PAPOLA: variants seen among roughly 807,000 people sequenced by gnomAD.
PAPOLA encodes the protein poly(A) polymerase alpha, also known as polynucleotide adenylyltransferase alpha.
PAPOLA carries 15 observed loss-of-function variants against 100.6 expected under a neutral mutation model. The observed-to-expected ratio is 0.15, with a 90% CI of 0.10 to 0.23. The LOEUF is 0.23. Among genes scored for constraint, PAPOLA ranks in the 10% least tolerant of loss-of-function variants. The pLI, the probability that PAPOLA is intolerant of heterozygous loss-of-function variation, is 1.00. For missense variants in PAPOLA, 533 were observed against 884.2 expected (o/e 0.60, Z 5.04); for synonymous variants, 293 against 300.0 (o/e 0.98, Z 0.24).
intron 17 of PAPOLA, among the ~76,000 whole-genome samples, chr14:96,554,400 C>T (rs1416777592): frequency 1.3e-5 from 2 of 152,140 alleles, no homozygotes; most frequent in African/African-American, 4.8e-5. Context: ...TGATATTGTC[C>T]CTGAGTGGTA....
chr14:96,541,413 A>G (rs1429504747), intron 12 of PAPOLA, among the ~76,000 whole-genome samples: 1 of 152,172 alleles, frequency 6.6e-6, no homozygotes, highest in Non-Finnish European at 1.5e-5. Context: ...TTTTTGGGGT[A>G]GAGATTCTGG....
intron 11 of PAPOLA, among the ~76,000 whole-genome samples, chr14:96,536,262 A>G (rs897437245): frequency 8.5e-5 from 13 of 152,132 alleles, no homozygotes; most frequent in African/African-American, 3.1e-4. Flanking sequence ...TGCCTTGTAA[A>G]ATTATAAATG....
intron 20 of PAPOLA, among the ~76,000 whole-genome samples, chr14:96,562,043 C>T (rs780167984): frequency 4.0e-5 from 6 of 151,700 alleles, no homozygotes. Context: ...TACAGGCACC[C>T]GCCACCATGC....
intron 3 of PAPOLA, 69 bp downstream of exon 3, chr14:96,521,141 T>G (rs1897929743): frequency 1.3e-6 from 1 of 770,522 alleles, no homozygotes; most frequent in Admixed American, 2.1e-5. Flanking sequence ...GTGTCTTATA[T>G]AACCTGTTCT....
At chr14:96,534,739 G>C in intron 10 of PAPOLA, 176 bp downstream of exon 10, 2 of 1,424,024 alleles carry the variant, frequency 1.4e-6, no homozygotes, top group South Asian at 3.2e-5. Flanking sequence ...GATGTGAGAA[G>C]CATAATTATG....
At chr14:96,513,142 C>G (rs1168015226) in intron 1 of PAPOLA, among the ~76,000 whole-genome samples, 1 of 152,322 alleles carries the variant, frequency 6.6e-6, no homozygotes, top group East Asian at 1.9e-4. Flanking sequence ...CAGATCACTA[C>G]AGCCTCAGCT....
At chr14:96,537,858 A>G (rs1416260016) in intron 12 of PAPOLA, 1 of 151,882 alleles carries the variant, frequency 6.6e-6, no homozygotes, top group East Asian at 1.9e-4. Flanking sequence ...TCTAAGCAAG[A>G]TTGCTTTATG....
intron 9 of PAPOLA, chr14:96,534,194 C>T: frequency 1.7e-6 from 2 of 1,166,108 alleles, no homozygotes; most frequent in Non-Finnish European, 2.1e-6. Context: ...TTGAAGTGGA[C>T]ACATCATTAT....
intron 7 of PAPOLA, chr14:96,532,098 C>T: frequency 1.5e-6 from 2 of 1,307,602 alleles, no homozygotes; most frequent in Non-Finnish European, 1.9e-6. Context: ...ACTTTGGTTT[C>T]TTTGGTCAGT....
At chr14:96,518,616 C>G (rs1282395927) in intron 1 of PAPOLA, among the ~76,000 whole-genome samples, 1 of 151,746 alleles carries the variant, frequency 6.6e-6, no homozygotes, top group Non-Finnish European at 1.5e-5. Context: ...TCACTGTGGT[C>G]TCGATCTCCT....
intron 21 of PAPOLA, among the ~76,000 whole-genome samples, chr14:96,563,556 A>G (rs1443558075): frequency 6.6e-6 from 1 of 152,176 alleles, no homozygotes; most frequent in Non-Finnish European, 1.5e-5. Context: ...AATAGATGAT[A>G]AAACTGGTTA....
At chr14:96,518,219 C>T (rs1012208379) in intron 1 of PAPOLA, among the ~76,000 whole-genome samples, 11 of 152,128 alleles carry the variant, frequency 7.2e-5, no homozygotes, top group African/African-American at 1.9e-4. Context: ...ATAGATGACA[C>T]GCAGTCCAGC....
At chr14:96,561,828 GTT>G (rs529927594) in intron 20 of PAPOLA, among the ~76,000 whole-genome samples, 21 of 125,798 alleles carry the variant, frequency 1.7e-4, no homozygotes, top group African/African-American at 4.4e-4. Context: ...ACAATATTTC[GTT>G]TTTTTTTTTT....
At chr14:96,503,463 C>T (rs1034454477) in intron 1 of PAPOLA, among the ~76,000 whole-genome samples, 1 of 151,822 alleles carries the variant, frequency 6.6e-6, no homozygotes, top group Non-Finnish European at 1.5e-5. Flanking sequence ...TCTCCCCTCC[C>T]CCTTTCTGAT....
chr14:96,563,191 T>C (rs1294863894), intron 21 of PAPOLA, among the ~76,000 whole-genome samples: 2 of 152,214 alleles, frequency 1.3e-5, no homozygotes, highest in African/African-American at 4.8e-5. Context: ...AGGTTTTATT[T>C]GTAGGTCAAA....
intron 15 of PAPOLA, among the ~76,000 whole-genome samples, chr14:96,546,118 A>G (rs2140310188): frequency 6.6e-6 from 1 of 152,222 alleles, no homozygotes; most frequent in South Asian, 2.1e-4. Flanking sequence ...AACCCCTACC[A>G]GTTTCTTTTC....
chr14:96,545,594 A>G (rs1306831645), intron 15 of PAPOLA, among the ~76,000 whole-genome samples: 1 of 152,090 alleles, frequency 6.6e-6, no homozygotes, highest in Non-Finnish European at 1.5e-5. Context: ...TCCATTTTTT[A>G]AATTTAAAAT....
At chr14:96,514,879 A>G (rs955590761) in intron 1 of PAPOLA, among the ~76,000 whole-genome samples, 2 of 152,244 alleles carry the variant, frequency 1.3e-5, no homozygotes, top group Non-Finnish European at 2.9e-5. Context: ...TTGAAACCAG[A>G]GTAATACGAC....
chr14:96,536,801 TAAAA>T (rs201476085), intron 11 of PAPOLA, 171 bp from the exon 12 acceptor site: 1 of 384,706 alleles, frequency 2.6e-6, no homozygotes, highest in African/African-American at 2.2e-5. Context: ...TCCAGCTTTT[TAAAA>T]AAAAAATGTG....
Sources: gnomAD v4.1 joint callset for allele counts (sites outside exome capture counted in the v4.1 genomes callset) on GRCh38, gnomAD v4.1.1 for gene constraint, MANE v1.5 for transcripts, NCBI Gene and HGNC (gene_info 2026-07-23, HGNC 2026-07-21) for gene names.